The following PROS1 variants were observed in gnomAD, a reference collection of about 807,000 sequenced individuals.
PROS1 encodes the protein vitamin K-dependent protein S.
A neutral mutation model predicts 75.9 loss-of-function variants in PROS1; 29 were observed. The ratio of observed to expected loss-of-function variants is 0.38; its 90% CI spans 0.28 to 0.52. The LOEUF (loss-of-function observed/expected upper bound fraction) is 0.52. PROS1 is among the 20% of genes least tolerant of loss of function. PROS1 has a pLI of 0.83. For missense variants in PROS1, 680 were observed against 810.3 expected, an observed-to-expected ratio of 0.84 and a Z score of 1.95; for synonymous variants, 245 against 280.6, an observed-to-expected ratio of 0.87 and a Z score of 1.27.
At chr3:93,895,169 A>G (rs1708485899) in intron 9 of PROS1, among the ~76,000 whole-genome samples, 2 of 152,074 alleles carry the variant, frequency 1.3e-5, no homozygotes, top group Admixed American at 6.5e-5. Context: ...ATTGTGTCTC[A>G]TTTGTATTAT....
chr3:93,883,569 G>A (rs1304240320), intron 12 of PROS1, among the ~76,000 whole-genome samples: 1 of 151,920 alleles, frequency 6.6e-6, no homozygotes, highest in African/African-American at 2.4e-5. Context: ...GCTCCAGCCT[G>A]GGTGACAGAG....
chr3:93,960,532 CTTTTTTTT>C (rs774875701), intron 1 of PROS1, among the ~76,000 whole-genome samples: 21 of 50,142 alleles, frequency 4.2e-4, no homozygotes, highest in African/African-American at 7.4e-4. Flanking sequence ...CTCCATTGCT[CTTTTTTTT>C]TTTTTTTTTT....
chr3:93,939,919 T>C (rs1709255886), intron 1 of PROS1, among the ~76,000 whole-genome samples: 1 of 151,714 alleles, frequency 6.6e-6, no homozygotes, highest in African/African-American at 2.4e-5. Flanking sequence ...ATAATAGAGT[T>C]AGAGGCGGCC....
At chr3:93,922,104 C>A (rs1483985000) in intron 3 of PROS1, among the ~76,000 whole-genome samples, 1 of 152,110 alleles carries the variant, frequency 6.6e-6, no homozygotes, top group African/African-American at 2.4e-5. Context: ...TCTTAAACTT[C>A]TTTTTGTCAT....
At chr3:93,951,755 C>T (rs969163348) in intron 1 of PROS1, among the ~76,000 whole-genome samples, 3 of 152,114 alleles carry the variant, frequency 2.0e-5, no homozygotes, top group African/African-American at 7.2e-5. Flanking sequence ...TGCAAATGGG[C>T]TAAATGCTCC....
At chr3:93,939,435 C>T (rs914848958) in intron 1 of PROS1, among the ~76,000 whole-genome samples, 2 of 152,052 alleles carry the variant, frequency 1.3e-5, no homozygotes, top group African/African-American at 4.8e-5. Context: ...CAGAGTGCTC[C>T]TCCTCAGTTT....
intron 1 of PROS1, among the ~76,000 whole-genome samples, chr3:93,956,882 ACCTTCAAAAGCACGTT>A (rs746090001): frequency 3.2e-4 from 48 of 152,136 alleles, no homozygotes; most frequent in Non-Finnish European, 6.3e-4. Context: ...CTTTAAATCT[ACCTTCAAAAGCACGTT>A]CCCAGGAGGA....
chr3:93,933,753 A>G (rs1709141360), intron 1 of PROS1, among the ~76,000 whole-genome samples: 1 of 152,026 alleles, frequency 6.6e-6, no homozygotes, highest in African/African-American at 2.4e-5. Context: ...GTGAAATGCA[A>G]TCTCTACTAA....
intron 4 of PROS1, among the ~76,000 whole-genome samples, chr3:93,908,141 AAG>A (rs938225880): frequency 2.0e-5 from 3 of 152,218 alleles, no homozygotes; most frequent in Non-Finnish European, 4.4e-5. Flanking sequence ...CTCAAAAAAA[AAG>A]AAAAAGAAAT....
At position 93,874,358 on chromosome 3, in the gene PROS1, T is replaced by C. The variant is rs1351461898; in HGVS notation, c.1918A>G (p.Met640Val). The change falls in exon 15 of 15, where the codon ATG becomes GTG. Residue 640 changes from methionine to valine, a missense_variant. Physicochemically the swap from Met to Val is conservative, Grantham distance 21. Coordinates refer to ENST00000394236, the MANE Select transcript of PROS1 (RefSeq NM_000313.4). ...TPVNAFYNGC[M>V]EVNINGVQLD... ...TGTACACCATTAATATTCACTTCCA[T>C]GCAGCCATTATAAAAGGCATTCACT... The C allele has an allele frequency of 6.2e-7, 1 of 1,613,452 alleles. No homozygotes were observed. Among genetic ancestry groups the C allele is most frequent in the Admixed American group, 1.7e-5 (1 of 59,990 alleles).
At chr3:93,918,806 A>G (rs1348094378) in intron 3 of PROS1, among the ~76,000 whole-genome samples, 1 of 152,160 alleles carries the variant, frequency 6.6e-6, no homozygotes, top group Non-Finnish European at 1.5e-5. Context: ...TCAGCCTCCC[A>G]AAGTGTTGGA....
At chr3:93,900,610 A>G (rs1708578253) in intron 7 of PROS1, among the ~76,000 whole-genome samples, 194 bp downstream of exon 7, 1 of 152,230 alleles carries the variant, frequency 6.6e-6, no homozygotes, top group Non-Finnish European at 1.5e-5. Flanking sequence ...GCCTAACACC[A>G]AACTTAAAGA....
chr3:93,875,147 GT>G (rs2107121154), intron 14 of PROS1, among the ~76,000 whole-genome samples: 1 of 152,148 alleles, frequency 6.6e-6, no homozygotes, highest in Admixed American at 6.5e-5. Flanking sequence ...CATAGCATTT[GT>G]TAAGAATCCC....
intron 10 of PROS1, among the ~76,000 whole-genome samples, chr3:93,888,250 A>G (rs749991110): frequency 6.6e-6 from 1 of 152,230 alleles, no homozygotes; most frequent in Non-Finnish European, 1.5e-5. Flanking sequence ...TGGCAACACC[A>G]TGTATGCCCT....
chr3:93,969,719 T>A (rs550111117), intron 1 of PROS1, among the ~76,000 whole-genome samples: 8 of 152,342 alleles, frequency 5.3e-5, no homozygotes, highest in Admixed American at 1.3e-4. Flanking sequence ...AGCTAGCCAT[T>A]CAGTAGCCTT....
chr3:93,913,813 G>A (rs1214678958), intron 3 of PROS1, among the ~76,000 whole-genome samples: 1 of 152,128 alleles, frequency 6.6e-6, no homozygotes, highest in African/African-American at 2.4e-5. Context: ...ATATGGGTGA[G>A]ACTCAAGGCA....
intron 12 of PROS1, 39 bp downstream of exon 12, chr3:93,884,689 C>A: frequency 6.4e-7 from 1 of 1,560,772 alleles, no homozygotes; most frequent in South Asian, 1.1e-5. Flanking sequence ...TAAATTTACT[C>A]ATTAATGAGA....
At chr3:93,912,213 C>T (rs1420352879) in intron 3 of PROS1, among the ~76,000 whole-genome samples, 1 of 152,172 alleles carries the variant, frequency 6.6e-6, no homozygotes, top group Non-Finnish European at 1.5e-5. Flanking sequence ...GGGCTCATGG[C>T]CTCATCCTTG....
chr3:93,942,798 C>A (rs950592580), intron 1 of PROS1, among the ~76,000 whole-genome samples: 2 of 152,176 alleles, frequency 1.3e-5, no homozygotes, highest in East Asian at 1.9e-4. Context: ...AAGGAAATCA[C>A]TTCTCAGTGT....
Sources: allele counts gnomAD v4.1 joint callset (sites outside exome capture counted in the v4.1 genomes callset), GRCh38; gene constraint gnomAD v4.1.1; transcripts MANE v1.5; gene names NCBI Gene and HGNC (gene_info 2026-07-23, HGNC 2026-07-21).